The following PPHLN1 variants were observed in gnomAD, a reference collection of about 807,000 sequenced individuals.
PPHLN1 encodes periphilin-1.
PPHLN1 carries 29 observed loss-of-function variants against 51.3 expected under a neutral mutation model. That is an observed-to-expected ratio of 0.57 (90% CI 0.42 to 0.77). The LOEUF (loss-of-function observed/expected upper bound fraction) is 0.77, where lower values mean the gene tolerates loss of function less well. PPHLN1 is among the 30% of genes least tolerant of loss of function. The pLI, the probability that PPHLN1 is intolerant of heterozygous loss-of-function variation, is 0.00. For synonymous variants in PPHLN1, 147 were observed against 147.8 expected (o/e 0.99, Z 0.04); for missense variants, 436 against 438.4 (o/e 0.99, Z 0.05).
chr12:42,398,002 A>G (rs2078425700), intron 8 of PPHLN1, among the ~76,000 whole-genome samples: 1 of 151,024 alleles, frequency 6.6e-6, no homozygotes, highest in South Asian at 2.1e-4. Flanking sequence ...TAGATCATAC[A>G]TGTATGTGTC....
intron 1 of PPHLN1, among the ~76,000 whole-genome samples, chr12:42,335,605 C>T (rs3810793): frequency 0.35 from 53,339 of 151,238 alleles, 9,903 homozygotes; most frequent in South Asian, 0.46. Context: ...AGTGTGCCAC[C>T]AATTTCCTCC....
chr12:42,376,430 A>G (rs778177344), intron 5 of PPHLN1, among the ~76,000 whole-genome samples: 1 of 152,210 alleles, frequency 6.6e-6, no homozygotes, highest in Non-Finnish European at 1.5e-5. Context: ...CCCAAAAAAC[A>G]TATTTTTGGA....
intron 9 of PPHLN1, among the ~76,000 whole-genome samples, chr12:42,409,924 T>C (rs1211868063): frequency 1.3e-5 from 2 of 152,158 alleles, no homozygotes; most frequent in Non-Finnish European, 2.9e-5. Context: ...ATTATATCTC[T>C]GACAGCTTTA....
intron 9 of PPHLN1, among the ~76,000 whole-genome samples, chr12:42,425,391 T>TCCTCAGGTTTTTAAAATG (rs1555220158): frequency 4.1e-5 from 6 of 147,872 alleles, no homozygotes; most frequent in Admixed American, 6.8e-5. Context: ...GCGCCCAGCC[T>TCCTCAGGTTTTTAAAATG]ATTTTATTTT....
intron 9 of PPHLN1, among the ~76,000 whole-genome samples, chr12:42,412,654 T>C (rs1188736771): frequency 1.3e-5 from 2 of 152,154 alleles, no homozygotes; most frequent in African/African-American, 4.8e-5. Flanking sequence ...AGTAGTAGGA[T>C]TGCTGGATTG....
Position 42,355,173 on chromosome 12 carries a change from T to G in PPHLN1, c.250T>G (p.Tyr84Asp). 1 of 1,613,660 alleles carries G rather than the reference T, an allele frequency of 6.2e-7. No homozygotes were observed. The highest frequency in any genetic ancestry group is 1.3e-5 in the African/African-American group (1 of 75,018). Residue 84 changes from tyrosine to aspartate, a missense_variant, in exon 4 of 10, where the codon TAT becomes GAT. Coordinates refer to ENST00000358314, the MANE Select transcript of PPHLN1 (RefSeq NM_201439.2). ...GPPHRGDESG[Y>D]RWTRDDHSAS... The stretch of plus-strand genomic sequence containing the variant: ...TTTTATGTTACAGGATGAATCTGGT[T>G]ATAGATGGACAAGAGACGATCATTC...
intron 7 of PPHLN1, among the ~76,000 whole-genome samples, chr12:42,392,430 C>T (rs755068571): frequency 7.2e-5 from 11 of 152,230 alleles, no homozygotes; most frequent in South Asian, 2.1e-4. Context: ...GTTCAGTGCC[C>T]AGCACTGTCA....
At chr12:42,399,205 A>G in intron 9 of PPHLN1, 1 of 1,202,030 alleles carries the variant, frequency 8.3e-7, no homozygotes, top group Non-Finnish European at 1.0e-6. Context: ...AATAAAAAAC[A>G]GACTTCTTTT....
At chr12:42,444,943 C>A, downstream of PPHLN1, 1 of 646,954 alleles carries the variant, frequency 1.5e-6, no homozygotes, top group South Asian at 1.8e-5. Context: ...TTTACTAGTA[C>A]TCAGAGAGCT....
chr12:42,386,674 A>G (rs1363424999), intron 6 of PPHLN1, among the ~76,000 whole-genome samples: 1 of 152,218 alleles, frequency 6.6e-6, no homozygotes, highest in Non-Finnish European at 1.5e-5. Flanking sequence ...TATTTGGCAC[A>G]TATAGACAAT....
intron 9 of PPHLN1, among the ~76,000 whole-genome samples, chr12:42,428,669 G>A (rs1355449726): frequency 6.6e-6 from 1 of 152,090 alleles, no homozygotes; most frequent in Non-Finnish European, 1.5e-5. Context: ...TGGGTGCAGT[G>A]TATACTGCCT....
At position 42,387,545 on chromosome 12, in the gene PPHLN1, AT is replaced by A; in HGVS notation, c.648+13del. On this transcript the variant is annotated intron_variant, in intron 7 of 9. Coordinates refer to ENST00000358314, the MANE Select transcript of PPHLN1 (RefSeq NM_201439.2). The stretch of plus-strand genomic sequence containing the variant: ...AGTTTCTTCATCAAAGGTTTGTTAT[AT>A]TTCTAAAATCAGTTTAAAGAAGAAT... 6.2e-7 allele frequency: 1 copy of A among 1,608,672 alleles called. No homozygotes were observed. The highest frequency in any genetic ancestry group is 8.5e-7 in the Non-Finnish European group (1 of 1,178,520).
chr12:42,332,649 C>T, intron 1 of PPHLN1: 1 of 1,565,854 alleles, frequency 6.4e-7, no homozygotes, highest in Non-Finnish European at 8.8e-7. Flanking sequence ...CTGTATTTCC[C>T]CCCCTTACAG....
intron 2 of PPHLN1, among the ~76,000 whole-genome samples, chr12:42,345,077 A>G (rs1020831031): frequency 2.6e-5 from 4 of 152,164 alleles, no homozygotes; most frequent in Non-Finnish European, 4.4e-5. Flanking sequence ...GCTTTTACTT[A>G]CTAAAATGAA....
At position 42,441,322 on chromosome 12, in the gene PPHLN1, G is replaced by T. The variant is rs1276061777; in HGVS notation, c.917G>T (p.Arg306Leu). 6.2e-7 allele frequency: 1 copy of T among 1,609,914 alleles called. No individual in the cohort carries two copies. Among genetic ancestry groups the T allele is most frequent in the Admixed American group, 1.7e-5 (1 of 59,752 alleles). Residue 306 changes from arginine (R) to leucine (L), a missense_variant, in exon 10 of 10, where the codon CGA becomes CTA. By Grantham distance (102) the Arg-to-Leu change is moderately radical. Transcript: ENST00000358314. ...SKTKEIEQVY[R>L]QDCETFGMVV... ...ATGTGTTTTACCTTTTAGGTTTACC[G>T]ACAAGACTGTGAAACTTTCGGGATG... is the stretch of plus-strand genomic sequence containing the variant.
chr12:42,412,697 C>G (rs1467562134), intron 9 of PPHLN1, among the ~76,000 whole-genome samples: 3 of 152,156 alleles, frequency 2.0e-5, no homozygotes, highest in African/African-American at 7.2e-5. Flanking sequence ...CTTTAAATCT[C>G]CATACTGTTT....
intron 2 of PPHLN1, among the ~76,000 whole-genome samples, chr12:42,344,081 GTAAAA>G (rs1427695187): frequency 1.5e-4 from 23 of 152,156 alleles, no homozygotes; most frequent in African/African-American, 5.6e-4. Flanking sequence ...GATGCCAGAA[GTAAAA>G]TAAAATTGAG....
chr12:42,408,872 A>G (rs1040768198), intron 9 of PPHLN1, among the ~76,000 whole-genome samples: 2 of 152,192 alleles, frequency 1.3e-5, no homozygotes, highest in Admixed American at 1.3e-4. Context: ...AATTCCTTGT[A>G]TTGTAAATTA....
chr12:42,326,765 C>CT (rs778586662), intron 1 of PPHLN1, among the ~76,000 whole-genome samples: 6 of 152,168 alleles, frequency 3.9e-5, no homozygotes, highest in South Asian at 2.1e-4. Context: ...TGCTTTTTCT[C>CT]TAAGAGGCCA....
Sources: allele counts gnomAD v4.1 joint callset (sites outside exome capture counted in the v4.1 genomes callset), GRCh38; gene constraint gnomAD v4.1.1; transcripts MANE v1.5; gene names NCBI Gene and HGNC (gene_info 2026-07-23, HGNC 2026-07-21).